WRN: variants seen among roughly 807,000 people sequenced by gnomAD.
WRN encodes the protein WRN RecQ like helicase.
A neutral mutation model predicts 180.7 loss-of-function variants in WRN; 149 were observed. The observed-to-expected ratio is 0.82, with a 90% CI of 0.72 to 0.94. The LOEUF is 0.94. WRN is among the 40% of genes least tolerant of loss of function. The probability of loss-of-function intolerance (pLI) is 0.00; values close to 1 mark genes in which losing one functional copy is unlikely to be tolerated. For synonymous variants in WRN, 548 were observed against 568.9 expected (o/e 0.96, Z 0.52); for missense variants, 1,661 against 1,700.1 (o/e 0.98, Z 0.40).
In WRN at chr8:31,081,397, C is replaced by T. The variant is rs1813306783; in HGVS notation, c.1269+101C>T. On this transcript the variant is annotated intron_variant, in intron 9 of 34. Transcript: ENST00000298139. ...AGTAAATATTTTAGGCTTTGTGGGA[C>T]ATACAGTCTCTGTTGCAGTAACTCA... 2.4e-6 allele frequency: 3 copies of T among 1,260,996 alleles called. No homozygotes were observed. The South Asian group carries it at 4.2e-5, about 18-fold the overall frequency. 78.1% of individuals were successfully genotyped at this position (1,260,996 alleles called of 1,614,324 possible). A position where few individuals can be genotyped will look rare whatever the true frequency, so the allele number is the denominator to read the frequency against.
rs186032349 is a variant in WRN, at chr8:31,168,780, G to T, written c.4191+1550G>T. On this transcript the variant is annotated intron_variant, in intron 34 of 34. Coordinates refer to ENST00000298139, the MANE Select transcript of WRN (RefSeq NM_000553.6). ...CTACTGACCTGATTTATATCCCTTA[G>T]TCTATTTCATTTTATAATTATGACA... 1.5e-3 allele frequency among the ~76,000 whole-genome samples: 232 copies of T among 152,238 alleles called. 1 individual carries two copies. Among genetic ancestry groups the T allele is most frequent in the African/African-American group, 5.3e-3 (220 of 41,548 alleles).
intron 1 of WRN, among the ~76,000 whole-genome samples, chr8:31,040,195 T>C (rs1811596275): frequency 6.6e-6 from 1 of 152,158 alleles, no homozygotes; most frequent in African/African-American, 2.4e-5. Context: ...AGATGGGAAA[T>C]ATACAAAAGG....
intron 11 of WRN, 146 bp downstream of exon 11, chr8:31,085,392 A>T (rs1476017502): frequency 2.2e-6 from 2 of 904,918 alleles, no homozygotes; most frequent in Non-Finnish European, 3.4e-6. Context: ...TTTCCAATTC[A>T]TGTTTCTTTT....
intron 1 of WRN, among the ~76,000 whole-genome samples, chr8:31,040,624 G>A (rs999534666): frequency 2.0e-5 from 3 of 152,194 alleles, no homozygotes; most frequent in Admixed American, 6.5e-5. Flanking sequence ...GATGAGCGTT[G>A]AGAATTGGCT....
At chr8:31,080,660 G>A (rs1022379209) in intron 8 of WRN, among the ~76,000 whole-genome samples, 1 of 152,042 alleles carries the variant, frequency 6.6e-6, no homozygotes, top group South Asian at 2.1e-4. Context: ...CAAGTCAACT[G>A]TTGGTGCAGA....
chr8:31,090,835 A>G lies in WRN; in HGVS notation c.1722A>G (p.Gly574=), dbSNP rs1414342932. The G allele has an allele frequency of 2.5e-6, 4 of 1,605,254 alleles. No homozygotes were observed. Among genetic ancestry groups the G allele is most frequent in the Non-Finnish European group, 3.4e-6 (4 of 1,174,884 alleles). The change falls in exon 15 of 35, where the codon GGA becomes GGG. Residue 574 remains glycine (G), a splice_region_variant and synonymous_variant. Transcript: ENST00000298139. ...RRDNVAVMAT[G]YGKSLCFQYP... The stretch of plus-strand genomic sequence containing the variant: ...TTTTTATATTTTTTTCATTTCAAGG[A>G]TATGGAAAGAGTTTGTGCTTCCAGT...
intron 16 of WRN, among the ~76,000 whole-genome samples, chr8:31,095,844 G>A (rs532266944): frequency 1.9e-4 from 29 of 152,272 alleles, no homozygotes; most frequent in African/African-American, 7.0e-4. Context: ...TTTCAAAGTT[G>A]TTCTGGCTAT....
At chr8:31,054,223 A>C (rs553984366) in intron 1 of WRN, among the ~76,000 whole-genome samples, 1 of 152,332 alleles carries the variant, frequency 6.6e-6, no homozygotes, top group South Asian at 2.1e-4. Flanking sequence ...TGATAATTTC[A>C]TCAAGTCAGA....
chr8:31,163,590 G>A (rs1803721920), intron 33 of WRN, among the ~76,000 whole-genome samples: 1 of 152,046 alleles, frequency 6.6e-6, no homozygotes, highest in Admixed American at 6.6e-5. Context: ...AACTTGATGA[G>A]TGAAACAAAT....
chr8:31,101,618 C>G lies in WRN; in HGVS notation c.2088+663C>G, dbSNP rs2725329. Among the ~76,000 whole-genome samples the G allele has an allele frequency of 2.0e-5, 3 of 151,782 alleles. 1 individual carries two copies. The South Asian group carries it at 6.3e-4, about 32-fold the overall frequency. On this transcript the variant is annotated intron_variant, in intron 18 of 34. Coordinates refer to ENST00000298139, the MANE Select transcript of WRN (RefSeq NM_000553.6). ...CCTGGTCAACATGGTGAAACCCTGT[C>G]TCTACTAAAAATACAACAATTAGCT...
intron 1 of WRN, among the ~76,000 whole-genome samples, chr8:31,055,374 G>A (rs934486862): frequency 4.6e-5 from 7 of 152,138 alleles, no homozygotes; most frequent in Non-Finnish European, 7.4e-5. Flanking sequence ...CAGTGTAAAA[G>A]CATTCCTATT....
At chr8:31,090,391 T>C in intron 13 of WRN, 74 bp from the exon 14 acceptor site, 1 of 1,402,332 alleles carries the variant, frequency 7.1e-7, no homozygotes, top group Admixed American at 1.8e-5. Context: ...AAATGAAAAA[T>C]TGAATGGATT....
intron 24 of WRN, among the ~76,000 whole-genome samples, chr8:31,137,857 G>C (rs144397593): frequency 6.6e-6 from 1 of 152,230 alleles, no homozygotes. Flanking sequence ...CCAGCACTTT[G>C]GGAGACCGAG....
chr8:31,054,501 G>A (rs1291450577), intron 1 of WRN, among the ~76,000 whole-genome samples: 1 of 152,014 alleles, frequency 6.6e-6, no homozygotes, highest in Non-Finnish European at 1.5e-5. Context: ...TAGGATTTCA[G>A]GCATGAGCCA....
At position 31,088,941 on chromosome 8, in the gene WRN, A is replaced by G. The variant is rs151001436; in HGVS notation, c.1628A>G (p.Tyr543Cys). ...GAGCAAGTTACTTGCCTCAAGATGT[A>G]CTTTGGCCATTCCAGTTTTAAACCG... Reference protein sequence around the residue: ...NEEQVTCLKMYFGHSSFKPVQ... With the variant: ...NEEQVTCLKMCFGHSSFKPVQ... The change falls in exon 13 of 35, where the codon TAC (tyrosine) becomes TGC (cysteine). Residue 543 changes from tyrosine to cysteine, a missense_variant. By Grantham distance (194) the Tyr-to-Cys change is radical. Transcript: ENST00000298139. The G allele has an allele frequency of 6.2e-7, 1 of 1,611,442 alleles. No individual in the cohort carries two copies. The highest frequency in any genetic ancestry group is 8.5e-7 in the Non-Finnish European group (1 of 1,178,674).
chr8:31,052,128 A>C (rs986393893), intron 1 of WRN, among the ~76,000 whole-genome samples: 1 of 152,208 alleles, frequency 6.6e-6, no homozygotes, highest in Non-Finnish European at 1.5e-5. Flanking sequence ...TAGAGAAAAA[A>C]ATTGCTGGCC....
chr8:31,124,478 G>A, intron 21 of WRN, 44 bp from the exon 22 acceptor site: 1 of 1,410,448 alleles, frequency 7.1e-7, no homozygotes, highest in Non-Finnish European at 1.0e-6. Context: ...TAAGAAAGTT[G>A]CCAATACAGT....
intron 15 of WRN, among the ~76,000 whole-genome samples, chr8:31,091,301 T>C (rs1474029171): frequency 1.3e-5 from 2 of 152,166 alleles, no homozygotes; most frequent in Non-Finnish European, 2.9e-5. Context: ...ACTTTTCAGC[T>C]TCTTCAACCT....
intron 18 of WRN, among the ~76,000 whole-genome samples, chr8:31,104,299 C>A (rs182080840): frequency 6.6e-6 from 1 of 152,250 alleles, no homozygotes; most frequent in Non-Finnish European, 1.5e-5. Context: ...ATTTGCATTT[C>A]TCTCATGGCT....
Sources: gnomAD v4.1 joint callset for allele counts (sites outside exome capture counted in the v4.1 genomes callset) on GRCh38, gnomAD v4.1.1 for gene constraint, MANE v1.5 for transcripts, NCBI Gene and HGNC (gene_info 2026-07-23, HGNC 2026-07-21) for gene names.